Variants in DLGAP2 observed in about 807,000 individuals in gnomAD.
DLGAP2 encodes the protein disks large-associated protein 2.
Under a neutral mutation model 100.3 loss-of-function variants are expected in DLGAP2, and 26 were observed. The observed-to-expected ratio is 0.26, with a 90% CI of 0.19 to 0.36. The LOEUF (loss-of-function observed/expected upper bound fraction) is 0.36, where lower values mean the gene tolerates loss of function less well. DLGAP2 is among the 10% of genes least tolerant of loss of function. The pLI is 1.00. For missense variants in DLGAP2, 1,858 were observed against 1,453.2 expected (o/e 1.28, Z -4.53); for synonymous variants, 886 against 630.1 (o/e 1.41, Z -6.08).
At chr8:1,527,009 G>C (rs369843060) in intron 4 of DLGAP2, among the ~76,000 whole-genome samples, 2 of 151,694 alleles carry the variant, frequency 1.3e-5, no homozygotes, top group East Asian at 1.9e-4. Flanking sequence ...CCACGACTTC[G>C]CATCGTCTAC....
chr8:931,898 C>T (rs1798967147), intron 2 of DLGAP2, among the ~76,000 whole-genome samples: 1 of 152,184 alleles, frequency 6.6e-6, no homozygotes, highest in Non-Finnish European at 1.5e-5. Flanking sequence ...TTCATTTGGC[C>T]TCTGTCTTGT....
At chr8:1,503,786 T>A (rs1233344136) in intron 4 of DLGAP2, among the ~76,000 whole-genome samples, 2 of 152,092 alleles carry the variant, frequency 1.3e-5, no homozygotes, top group Admixed American at 1.3e-4. Flanking sequence ...GGTCAGATGT[T>A]AGAAGCTCTG....
At chr8:1,489,161 C>G (rs1364598928) in intron 3 of DLGAP2, among the ~76,000 whole-genome samples, 1 of 152,166 alleles carries the variant, frequency 6.6e-6, no homozygotes, top group East Asian at 1.9e-4. Flanking sequence ...CTGTAAAAGC[C>G]TGGGAAACAA....
chr8:1,150,817 G>T (rs971330548), intron 2 of DLGAP2, among the ~76,000 whole-genome samples: 5 of 152,152 alleles, frequency 3.3e-5, no homozygotes, highest in Non-Finnish European at 7.4e-5. Context: ...GTGAGAATCT[G>T]AAAAACTAAA....
At chr8:1,617,755 T>TAG (rs1364649538) in intron 6 of DLGAP2, among the ~76,000 whole-genome samples, 1 of 152,186 alleles carries the variant, frequency 6.6e-6, no homozygotes, top group African/African-American at 2.4e-5. Flanking sequence ...AGCGCACCTC[T>TAG]AGAGCAACCA....
chr8:871,449 C>T (rs945003367), intron 1 of DLGAP2, among the ~76,000 whole-genome samples: 2 of 152,200 alleles, frequency 1.3e-5, no homozygotes, highest in African/African-American at 4.8e-5. Context: ...CATTTTCCTA[C>T]ATGTTTCTTC....
intron 12 of DLGAP2, 136 bp from the exon 13 acceptor site, chr8:1,691,399 A>G: frequency 2.9e-6 from 2 of 695,694 alleles, no homozygotes; most frequent in South Asian, 3.8e-5. Flanking sequence ...GTCACCAGCG[A>G]ACACGCTCGG....
chr8:1,053,107 A>C (rs1010239592), intron 2 of DLGAP2, among the ~76,000 whole-genome samples: 2 of 152,152 alleles, frequency 1.3e-5, no homozygotes, highest in African/African-American at 4.8e-5. Flanking sequence ...GCCGTTTGCA[A>C]TTTCGCAATG....
chr8:1,157,765 C>G (rs534844575), intron 2 of DLGAP2, among the ~76,000 whole-genome samples: 2 of 152,238 alleles, frequency 1.3e-5, no homozygotes, highest in African/African-American at 4.8e-5. Context: ...GGAGCTTCGT[C>G]ATTTGAAAAG....
chr8:1,119,589 G>T (rs73526529), intron 2 of DLGAP2, among the ~76,000 whole-genome samples: 2 of 152,226 alleles, frequency 1.3e-5, no homozygotes, highest in Non-Finnish European at 2.9e-5. Context: ...TCTGGGTGCC[G>T]TGCCTGGAAC....
In DLGAP2 at chr8:1,180,181, C is replaced by T. The variant is rs573457081; in HGVS notation, c.74-78670C>T. On this transcript the variant is annotated intron_variant, in intron 2 of 14. Coordinates refer to ENST00000637795, the MANE Select transcript of DLGAP2 (RefSeq NM_001346810.2). ...CTGAGGACGTAAATTACACTTTTTT[C>T]TGATAAAGCCAGATTTGTTTTTTAA... 7.9e-5 allele frequency among the ~76,000 whole-genome samples: 12 copies of T among 152,182 alleles called. No individual in the cohort carries two copies. The South Asian group carries it at 2.5e-3, about 32-fold the overall frequency.
intron 8 of DLGAP2, among the ~76,000 whole-genome samples, chr8:1,644,651 C>G (rs982521248): frequency 5.9e-5 from 9 of 152,340 alleles, no homozygotes; most frequent in Admixed American, 2.6e-4. Context: ...CTGAAACAAA[C>G]AGAATCTCGA....
intron 3 of DLGAP2, among the ~76,000 whole-genome samples, chr8:1,279,627 G>A: frequency 6.6e-6 from 1 of 152,178 alleles, no homozygotes; most frequent in Non-Finnish European, 1.5e-5. Flanking sequence ...GGCGTAGCTG[G>A]GTCTTCAGCA....
At chr8:925,379 G>C (rs1279382925) in intron 2 of DLGAP2, among the ~76,000 whole-genome samples, 1 of 152,160 alleles carries the variant, frequency 6.6e-6, no homozygotes, top group Non-Finnish European at 1.5e-5. Context: ...AGCTCAGCTT[G>C]TTTCATATAC....
intron 3 of DLGAP2, among the ~76,000 whole-genome samples, chr8:1,491,130 GA>G (rs778427136): frequency 1.4e-3 from 97 of 68,072 alleles, no homozygotes; most frequent in East Asian, 4.0e-3. Flanking sequence ...CAGAGCAAAA[GA>G]AAAAAAAAAA....
intron 3 of DLGAP2, among the ~76,000 whole-genome samples, chr8:1,270,603 C>T (rs1017207976): frequency 3.9e-5 from 6 of 152,112 alleles, no homozygotes; most frequent in Admixed American, 2.0e-4. Context: ...TTCTTAAGAA[C>T]GTAACTTCTC....
At chr8:1,538,655 C>T (rs1375714021) in intron 4 of DLGAP2, among the ~76,000 whole-genome samples, 2 of 152,150 alleles carry the variant, frequency 1.3e-5, no homozygotes, top group Non-Finnish European at 2.9e-5. Context: ...TTGCGAGTGT[C>T]TAGAATGCCC....
intron 2 of DLGAP2, among the ~76,000 whole-genome samples, chr8:912,727 C>T (rs1193848789): frequency 6.7e-6 from 1 of 149,308 alleles, no homozygotes; most frequent in South Asian, 2.1e-4. Flanking sequence ...GGAGCTGACC[C>T]CTGCGCTATG....
chr8:1,245,126 C>G (rs529015773), intron 2 of DLGAP2, among the ~76,000 whole-genome samples: 5 of 152,186 alleles, frequency 3.3e-5, no homozygotes, highest in Non-Finnish European at 5.9e-5. Flanking sequence ...GAAACTGGAA[C>G]CTTCATACAC....
Sources: gnomAD v4.1 joint callset for allele counts (sites outside exome capture counted in the v4.1 genomes callset) on GRCh38, gnomAD v4.1.1 for gene constraint, MANE v1.5 for transcripts, NCBI Gene and HGNC (gene_info 2026-07-23, HGNC 2026-07-21) for gene names.